The following MYPN variants were observed in gnomAD, a reference collection of about 807,000 sequenced individuals.
The protein encoded by MYPN is myopalladin, also known as sarcomeric protein myopalladin, 145 kDa (MYOP).
In MYPN, 63 loss-of-function variants were observed where a neutral mutation model predicts 129.4. The ratio of observed to expected loss-of-function variants is 0.49; its 90% CI spans 0.40 to 0.60. The LOEUF (loss-of-function observed/expected upper bound fraction) is 0.60, where lower values mean the gene tolerates loss of function less well. Among genes scored for constraint, MYPN ranks in the 20% least tolerant of loss-of-function variants. The probability of loss-of-function intolerance (pLI) is 0.00; values close to 1 mark genes in which losing one functional copy is unlikely to be tolerated. For missense variants in MYPN, 1,596 were observed against 1,635.4 expected, an observed-to-expected ratio of 0.98 and a Z score of 0.42; for synonymous variants, 629 against 600.9, an observed-to-expected ratio of 1.05 and a Z score of -0.68.
At chr10:68,123,157 T>A (rs977479984) in intron 2 of MYPN, among the ~76,000 whole-genome samples, 13 of 142,838 alleles carry the variant, frequency 9.1e-5, no homozygotes, top group African/African-American at 3.4e-4. Flanking sequence ...GGCAGATCAC[T>A]TGAGGTCAGG....
rs1172422272 is a variant in MYPN at position 68,143,032 on chromosome 10, T to G, written c.995T>G (p.Phe332Cys). 1.2e-6 allele frequency: 2 copies of G among 1,614,142 alleles called. No individual in the cohort carries two copies. ...NLHSLTIAEAFEEDTGRYSCF... is the reference protein window; with the variant it reads ...NLHSLTIAEACEEDTGRYSCF... ...CACTCACTGACCATTGCGGAAGCCT[T>G]TGAAGAGGACACAGGACGCTATTCC... is the stretch of plus-strand genomic sequence containing the variant. The change falls in exon 3 of 20, where the codon TTT becomes TGT. Residue 332 changes from phenylalanine to cysteine, a missense_variant. Transcript: ENST00000358913.
intron 1 of MYPN, among the ~76,000 whole-genome samples, chr10:68,089,317 C>T (rs7092185): frequency 0.1 from 15,695 of 152,004 alleles, 912 homozygotes; most frequent in South Asian, 0.15. Flanking sequence ...AAGGTGTGAG[C>T]CACTTTGCCT....
intron 1 of MYPN, among the ~76,000 whole-genome samples, chr10:68,100,083 CTTCCTAAGTCTTT>C (rs1165781352): frequency 1.3e-5 from 2 of 152,158 alleles, no homozygotes; most frequent in African/African-American, 4.8e-5. Context: ...TTAAAGTATG[CTTCCTAAGTCTTT>C]TTCAGATCCT....
intron 1 of MYPN, among the ~76,000 whole-genome samples, chr10:68,111,485 A>C (rs2042081086): frequency 6.6e-6 from 1 of 152,142 alleles, no homozygotes; most frequent in Non-Finnish European, 1.5e-5. Context: ...GGTTTTCTTA[A>C]CAGGTTTTCC....
upstream of MYPN, among the ~76,000 whole-genome samples, chr10:68,107,904 C>A (rs76158849): frequency 0.05 from 7,662 of 152,222 alleles, 523 homozygotes; most frequent in East Asian, 0.2. Context: ...AGGTTCTATT[C>A]TCCCATGGGA....
intron 9 of MYPN, among the ~76,000 whole-genome samples, 172 bp downstream of exon 9, chr10:68,165,990 A>C (rs1225475070): frequency 6.6e-6 from 1 of 152,220 alleles, no homozygotes; most frequent in African/African-American, 2.4e-5. Context: ...TCAACTTCTT[A>C]TTGCGCTTAC....
At chr10:68,202,228 C>T (rs148961298) in intron 18 of MYPN, among the ~76,000 whole-genome samples, 1 of 152,082 alleles carries the variant, frequency 6.6e-6, no homozygotes, top group African/African-American at 2.4e-5. Context: ...GTCAGGAGAT[C>T]GAGGCCATCC....
In MYPN at chr10:68,210,392, C is replaced by T. The variant is rs1289342079; in HGVS notation, c.3900C>T (p.Ser1300=). ...TTGACATATTTTCTGCCTTTTCCTC[C>T]ATGGAAAGCACGATGGTGTATTCAT... is the stretch of plus-strand genomic sequence containing the variant. ...KGLDIFSAFS[S]MESTMVYSCS... is the part of the protein sequence containing the mutation. Residue 1300 remains serine, a synonymous_variant, in exon 20 of 20, where the codon TCC becomes TCT. Transcript: ENST00000358913. The T allele has an allele frequency of 6.2e-7, 1 of 1,614,040 alleles. No individual in the cohort carries two copies. The highest frequency in any genetic ancestry group is 8.5e-7 in the Non-Finnish European group (1 of 1,180,028).
At chr10:68,165,505 G>A (rs973484925) in intron 8 of MYPN, 197 bp from the exon 9 acceptor site, 5 of 673,882 alleles carry the variant, frequency 7.4e-6, no homozygotes, top group African/African-American at 3.5e-5. Context: ...TGGAGTTATT[G>A]TTTCTACATT....
chr10:68,098,102 T>C (rs1313289611), intron 1 of MYPN, among the ~76,000 whole-genome samples: 1 of 151,988 alleles, frequency 6.6e-6, no homozygotes, highest in Non-Finnish European at 1.5e-5. Flanking sequence ...AAAAATTAGC[T>C]GGGCATGGTG....
intron 8 of MYPN, among the ~76,000 whole-genome samples, chr10:68,164,089 A>G (rs777399696): frequency 1.1e-4 from 16 of 152,218 alleles, no homozygotes; most frequent in Non-Finnish European, 2.4e-4. Flanking sequence ...AGAGTTACTG[A>G]GTAGGTACTT....
chr10:68,107,641 G>A (rs990799181), upstream of MYPN, among the ~76,000 whole-genome samples: 34 of 151,818 alleles, frequency 2.2e-4, no homozygotes, highest in African/African-American at 7.0e-4. Context: ...GTGATCCCCC[G>A]CGCCCGGCCG....
intron 2 of MYPN, among the ~76,000 whole-genome samples, chr10:68,133,795 C>T (rs925088672): frequency 3.3e-5 from 5 of 151,292 alleles, no homozygotes; most frequent in African/African-American, 9.7e-5. Context: ...GAAGCCAGAG[C>T]AGCCAATGTG....
chr10:68,109,329 G>C (rs1589517479), upstream of MYPN: 4 of 303,230 alleles, frequency 1.3e-5, no homozygotes, highest in East Asian at 2.3e-4. Context: ...TGGGCCTCTA[G>C]CTATAAGGGA....
At chr10:68,189,184 T>C (rs375310485) in intron 13 of MYPN, 58 bp downstream of exon 13, 1 of 1,224,496 alleles carries the variant, frequency 8.2e-7, no homozygotes. Flanking sequence ...AGACAGTGCC[T>C]TCAAGAAGGT....
intron 12 of MYPN, 88 bp downstream of exon 12, chr10:68,175,549 C>A: frequency 1.4e-6 from 2 of 1,443,452 alleles, no homozygotes; most frequent in Non-Finnish European, 1.9e-6. Context: ...ACTCAGGTAA[C>A]CTCAGTGAGG....
Position 68,116,651 on chromosome 10 carries a change from G to A in MYPN, c.-1-4787G>A, listed in dbSNP as rs959932966. 4.6e-5 allele frequency among the ~76,000 whole-genome samples: 7 copies of A among 151,750 alleles called. No homozygotes were observed. In the South Asian group the frequency reaches 1.0e-3, roughly 22 times the overall value. On this transcript the variant is annotated intron_variant, in intron 1 of 19. Transcript: ENST00000358913. ...CTTGGGAGGCTGAGGCAGGAGAATC[G>A]CTTGAACACGGGAGACAGAGGCTGC...
rs1457583142 is a variant in MYPN, at chr10:68,201,947, C to T, written c.3612C>T (p.Tyr1204=). ...RVIGMPPPVF[Y]WKKDNETIPC... ...TAGGCATGCCCCCACCTGTGTTCTACTGGAAGAAAGACAATGAGACCATCC... is the reference window on the plus strand; with the variant it reads ...TAGGCATGCCCCCACCTGTGTTCTATTGGAAGAAAGACAATGAGACCATCC... The change falls in exon 18 of 20, where the codon TAC becomes TAT. Residue 1204 remains tyrosine, a synonymous_variant. Transcript: ENST00000358913. 6 of 1,613,996 alleles carry T rather than the reference C, an allele frequency of 3.7e-6. No individual in the cohort carries two copies. In the East Asian group the frequency reaches 6.7e-5, roughly 18 times the overall value.
At chr10:68,194,319 A>G in intron 13 of MYPN, 44 bp from the exon 14 acceptor site, 1 of 1,606,462 alleles carries the variant, frequency 6.2e-7, no homozygotes, top group Non-Finnish European at 8.5e-7. Context: ...TTAACCTCTA[A>G]AGATAAACAA....
Sources: allele counts gnomAD v4.1 joint callset (sites outside exome capture counted in the v4.1 genomes callset), GRCh38; gene constraint gnomAD v4.1.1; transcripts MANE v1.5; gene names NCBI Gene and HGNC (gene_info 2026-07-23, HGNC 2026-07-21).